Variants in CAMSAP2 observed in about 807,000 individuals in gnomAD.
CAMSAP2 encodes calmodulin regulated spectrin associated protein family member 2, also known as calmodulin-regulated spectrin-associated protein 2.
Under a neutral mutation model 146.1 loss-of-function variants are expected in CAMSAP2, and 26 were observed. The ratio of observed to expected loss-of-function variants is 0.18; its 90% CI spans 0.13 to 0.25. The LOEUF is 0.25. CAMSAP2 is among the 10% of genes least tolerant of loss of function. The probability of loss-of-function intolerance (pLI) is 1.00; values close to 1 mark genes in which losing one functional copy is unlikely to be tolerated. For missense variants in CAMSAP2, 1,381 were observed against 1,759.3 expected (o/e 0.78, Z 3.85); for synonymous variants, 499 against 596.6 (o/e 0.84, Z 2.38).
rs1377299065 is a variant in CAMSAP2, at chr1:200,815,883, T to G, written c.645+239T>G. On this transcript the variant is annotated intron_variant, in intron 4 of 16. Transcript: ENST00000358823. ...TAGAACTCAAGTTCTGAGGTTCTTT[T>G]GTCAAAAATAACAGTTTGCCTTTCT... is the stretch of plus-strand genomic sequence containing the variant. 4.6e-5 allele frequency among the ~76,000 whole-genome samples: 7 copies of G among 152,236 alleles called. No individual in the cohort carries two copies. In the East Asian group the frequency reaches 9.6e-4, roughly 21 times the overall value.
At chr1:200,817,239 CAT>C (rs1450400231) in intron 4 of CAMSAP2, among the ~76,000 whole-genome samples, 7 of 138,794 alleles carry the variant, frequency 5.0e-5, no homozygotes, top group African/African-American at 1.5e-4. Flanking sequence ...TATATACACA[CAT>C]ACACACATAT....
chr1:200,832,115 G>A lies in CAMSAP2; in HGVS notation c.646-85G>A. On this transcript the variant is annotated intron_variant, in intron 4 of 16. Coordinates refer to ENST00000358823, the MANE Select transcript of CAMSAP2 (RefSeq NM_203459.4). The surrounding 1 kb of genome is among the most constrained non-coding windows in gnomAD (Gnocchi z 4.2). Reference sequence around the variant, plus strand: ...ATTTCTCATGATTTATTTTATTACTGGTACATTAGAATTTACAGTACTGAT... The same window carrying A: ...ATTTCTCATGATTTATTTTATTACTAGTACATTAGAATTTACAGTACTGAT... 1 of 1,020,158 alleles carries A rather than the reference G, an allele frequency of 9.8e-7. No homozygotes were observed. Among genetic ancestry groups the A allele is most frequent in the Non-Finnish European group, 1.4e-6 (1 of 710,586 alleles). 63.2% of individuals were successfully genotyped at this position (1,020,158 alleles called of 1,614,324 possible). A position where few individuals can be genotyped will look rare whatever the true frequency, so the allele number is the denominator to read the frequency against.
chr1:200,762,247 G>A (rs1649412578), intron 2 of CAMSAP2, among the ~76,000 whole-genome samples: 1 of 151,972 alleles, frequency 6.6e-6, no homozygotes, highest in African/African-American at 2.4e-5. Context: ...ATATTTCTAA[G>A]TAATGGAAAA....
intron 2 of CAMSAP2, among the ~76,000 whole-genome samples, chr1:200,770,277 G>A (rs2103012066): frequency 6.6e-6 from 1 of 152,294 alleles, no homozygotes; most frequent in Non-Finnish European, 1.5e-5. Flanking sequence ...ACTCCAAAAG[G>A]TGAGTTAACT....
intron 1 of CAMSAP2, among the ~76,000 whole-genome samples, chr1:200,755,576 G>A (rs766344640): frequency 8.5e-5 from 13 of 152,282 alleles, no homozygotes; most frequent in Admixed American, 2.6e-4. Context: ...TTAAGCTCAG[G>A]AATGCTGTAC....
chr1:200,817,057 TAC>T lies in CAMSAP2; in HGVS notation c.645+1420_645+1421del, dbSNP rs1271272341. On this transcript the variant is annotated intron_variant, in intron 4 of 16. Transcript: ENST00000358823. The stretch of plus-strand genomic sequence containing the variant: ...ACCCACATACACACGTGTATGTGTA[TAC>T]ACACACGTATATATGTGTATACACA... Among the ~76,000 whole-genome samples, 107 of 141,158 alleles carry T rather than the reference TAC, an allele frequency of 7.6e-4. 1 individual carries two copies. In the South Asian group the frequency reaches 0.01, roughly 14 times the overall value. 92.6% of individuals were successfully genotyped at this position (141,158 alleles called of 152,430 possible).
chr1:200,787,811 C>T lies in CAMSAP2; in HGVS notation c.400-19565C>T, dbSNP rs1420479301. Reference sequence around the variant, plus strand: ...TCTCAAGAAATTGCCACAGCCATCCCCTCCTTCAGCAATCACCACTCTGAT... The same window carrying T: ...TCTCAAGAAATTGCCACAGCCATCCTCTCCTTCAGCAATCACCACTCTGAT... On this transcript the variant is annotated intron_variant, in intron 2 of 16. Transcript: ENST00000358823. Among the ~76,000 whole-genome samples, 7 of 152,210 alleles carry T rather than the reference C, an allele frequency of 4.6e-5. No individual in the cohort carries two copies. In the East Asian group the frequency reaches 1.3e-3, roughly 29 times the overall value.
Position 200,854,859 on chromosome 1 carries a change from A to C in CAMSAP2, c.3866A>C (p.Glu1289Ala), listed in dbSNP as rs747847407. The C allele has an allele frequency of 1.5e-5, 24 of 1,612,122 alleles. No homozygotes were observed. The highest frequency in any genetic ancestry group is 1.9e-5 in the Non-Finnish European group (22 of 1,179,122). Residue 1289 changes from glutamate to alanine, a missense_variant, in exon 14 of 17, where the codon GAG (glutamate) becomes GCG (alanine). Glu to Ala is a moderately radical substitution (Grantham distance 107). This residue lies in a region of CAMSAP2 where 560 missense variants were observed against 715.9 expected (regional missense o/e 0.78). Coordinates refer to ENST00000358823, the MANE Select transcript of CAMSAP2 (RefSeq NM_203459.4). ...GCATCGCTGAACACGGGTGATAACG[A>C]GAGTGTACATTCAGGCAAGAGGACG... ...SLASLNTGDN[E>A]SVHSGKRTPR...
intron 1 of CAMSAP2, among the ~76,000 whole-genome samples, chr1:200,745,284 C>G (rs1417155156): frequency 6.6e-6 from 1 of 152,000 alleles, no homozygotes; most frequent in Non-Finnish European, 1.5e-5. Flanking sequence ...TGTGACAACC[C>G]AAAATGTCCC....
At chr1:200,796,230 A>C (rs1455084697) in intron 2 of CAMSAP2, among the ~76,000 whole-genome samples, 1 of 152,140 alleles carries the variant, frequency 6.6e-6, no homozygotes, top group Non-Finnish European at 1.5e-5. Context: ...TTACTACTTA[A>C]CTATTTGCTG....
intron 2 of CAMSAP2, among the ~76,000 whole-genome samples, chr1:200,772,512 G>C (rs1038139441): frequency 3.9e-5 from 6 of 152,160 alleles, no homozygotes; most frequent in Non-Finnish European, 7.3e-5. Flanking sequence ...GGGAGGCTGA[G>C]GCATGGGAAT....
At chr1:200,756,881 G>A (rs1337479442) in intron 1 of CAMSAP2, among the ~76,000 whole-genome samples, 1 of 152,148 alleles carries the variant, frequency 6.6e-6, no homozygotes, top group East Asian at 1.9e-4. Flanking sequence ...GGTAAATGAG[G>A]AAGACATGAT....
chr1:200,753,526 A>G (rs950498354), intron 1 of CAMSAP2, among the ~76,000 whole-genome samples: 2 of 152,052 alleles, frequency 1.3e-5, no homozygotes, highest in South Asian at 2.1e-4. Context: ...CTTGGTTCAA[A>G]TGACTGGGAC....
At chr1:200,778,208 A>G (rs918265295) in intron 2 of CAMSAP2, among the ~76,000 whole-genome samples, 5 of 152,246 alleles carry the variant, frequency 3.3e-5, no homozygotes, top group Non-Finnish European at 7.3e-5. Context: ...CATTGAATAA[A>G]TAAGAGGTAT....
At chr1:200,846,939 T>C (rs1667473222) in intron 8 of CAMSAP2, among the ~76,000 whole-genome samples, 2 of 152,338 alleles carry the variant, frequency 1.3e-5, no homozygotes, top group South Asian at 4.1e-4. Context: ...TATCAGTTTT[T>C]ATGTTTATAA....
rs374253411 is a variant in CAMSAP2 at position 200,848,608 on chromosome 1, C to T, written c.1839C>T (p.His613=). 1.7e-5 allele frequency: 27 copies of T among 1,613,878 alleles called. No individual in the cohort carries two copies. In the African/African-American group the frequency reaches 1.7e-4, roughly 10 times the overall value. Residue 613 remains histidine (H), a synonymous_variant, in exon 11 of 17, where the codon CAC becomes CAT. Transcript: ENST00000358823. The part of the protein sequence containing the change: ...TDNTEVDTGI[H]VPSEDIPETM... ...ATACTGAAGTAGACACTGGAATTCA[C>T]GTTCCTTCAGAAGATATTCCTGAAA...
chr1:200,846,370 A>G (rs1311505205), intron 8 of CAMSAP2, among the ~76,000 whole-genome samples: 2 of 152,218 alleles, frequency 1.3e-5, no homozygotes, highest in Non-Finnish European at 2.9e-5. Flanking sequence ...ACAGTCTCCC[A>G]CATTTCTGAA....
chr1:200,802,020 C>T (rs1382274243), intron 2 of CAMSAP2, among the ~76,000 whole-genome samples: 4 of 152,140 alleles, frequency 2.6e-5, no homozygotes, highest in Non-Finnish European at 4.4e-5. Flanking sequence ...TTTATCTCTG[C>T]AGCCTTATAG....
chr1:200,817,517 G>A (rs1308512708), intron 4 of CAMSAP2, among the ~76,000 whole-genome samples: 5 of 152,084 alleles, frequency 3.3e-5, no homozygotes. Context: ...TATAGTATTA[G>A]AATTGAGGTA....
Sources: gnomAD v4.1 joint callset for allele counts (sites outside exome capture counted in the v4.1 genomes callset) on GRCh38, gnomAD v4.1.1 for gene constraint, gnomAD v4.1.1 regional missense constraint, Gnocchi (gnomAD v3.1) non-coding constraint, MANE v1.5 for transcripts, NCBI Gene and HGNC (gene_info 2026-07-23, HGNC 2026-07-21) for gene names.